The following HTR2C variants were observed in gnomAD, a reference collection of about 807,000 sequenced individuals.
HTR2C encodes 5-hydroxytryptamine (serotonin) receptor 2C, G protein-coupled.
A neutral mutation model predicts 21.0 loss-of-function variants in HTR2C; 5 were observed. That is an observed-to-expected ratio of 0.24 (90% CI 0.12 to 0.50). HTR2C has a LOEUF of 0.50. HTR2C is among the 20% of genes least tolerant of loss of function. The probability of loss-of-function intolerance (pLI) is 0.98; values close to 1 mark genes in which losing one functional copy is unlikely to be tolerated. For missense variants in HTR2C, 271 were observed against 371.2 expected, an observed-to-expected ratio of 0.73 and a Z score of 2.22; for synonymous variants, 150 against 145.3, an observed-to-expected ratio of 1.03 and a Z score of -0.23.
chrX:114,737,624 G>A (rs782538887), intron 4 of HTR2C, among the ~76,000 whole-genome samples: 18 of 111,437 alleles, frequency 1.6e-4, no homozygotes, highest in African/African-American at 5.5e-4. Flanking sequence ...ATATGAGAGG[G>A]CATATAATCA....
At chrX:114,617,332 C>A (rs1928989135) in intron 2 of HTR2C, among the ~76,000 whole-genome samples, 1 of 111,349 alleles carries the variant, frequency 9.0e-6, no homozygotes, top group Non-Finnish European at 1.9e-5. Context: ...TCTAGCTATT[C>A]AGGAGGCTGA....
At chrX:114,697,351 A>G (rs781904589) in intron 2 of HTR2C, among the ~76,000 whole-genome samples, 47 of 112,277 alleles carry the variant, frequency 4.2e-4, no homozygotes, top group Non-Finnish European at 6.8e-4. Context: ...TATTAATCCA[A>G]ACAAAGTATC....
At chrX:114,835,820 TC>T (rs1456816887) in intron 4 of HTR2C, among the ~76,000 whole-genome samples, 2 of 110,674 alleles carry the variant, frequency 1.8e-5, no homozygotes, top group African/African-American at 6.6e-5. Flanking sequence ...TTCTGTTTTT[TC>T]CCCATCTTTG....
At chrX:114,808,242 G>A (rs2070498092) in intron 4 of HTR2C, among the ~76,000 whole-genome samples, 1 of 110,892 alleles carries the variant, frequency 9.0e-6, no homozygotes, top group South Asian at 3.8e-4. Context: ...TCTGTGCAAG[G>A]CTTATTTTGC....
intron 2 of HTR2C, among the ~76,000 whole-genome samples, chrX:114,725,931 G>T (rs1556421813): frequency 1.8e-5 from 2 of 108,156 alleles, no homozygotes; most frequent in Non-Finnish European, 1.9e-5. Flanking sequence ...TGTCAGACAG[G>T]GACATTTAAG....
intron 2 of HTR2C, among the ~76,000 whole-genome samples, chrX:114,653,659 C>T (rs1284633658): frequency 9.1e-6 from 1 of 110,461 alleles, no homozygotes; most frequent in Non-Finnish European, 1.9e-5. Context: ...CCTGTTTCTC[C>T]TTGTTCATCT....
intron 2 of HTR2C, among the ~76,000 whole-genome samples, chrX:114,628,686 G>A (rs1556403498): frequency 9.0e-6 from 1 of 111,258 alleles, no homozygotes; most frequent in Non-Finnish European, 1.9e-5. Flanking sequence ...TAATTTTATT[G>A]GAACATGGTT....
intron 2 of HTR2C, among the ~76,000 whole-genome samples, chrX:114,716,797 A>G (rs1388403273): frequency 1.8e-5 from 2 of 111,553 alleles, no homozygotes; most frequent in Non-Finnish European, 3.8e-5. Flanking sequence ...TAATTTTTGA[A>G]TTAAATGAGC....
chrX:114,620,247 C>T (rs992089311), intron 2 of HTR2C, among the ~76,000 whole-genome samples: 5 of 111,890 alleles, frequency 4.5e-5, no homozygotes, highest in African/African-American at 1.3e-4. Flanking sequence ...TTATATATGC[C>T]TAACACCATA....
At chrX:114,866,272 A>C (rs782382647) in intron 5 of HTR2C, among the ~76,000 whole-genome samples, 4 of 110,894 alleles carry the variant, frequency 3.6e-5, no homozygotes, top group Non-Finnish European at 7.5e-5. Context: ...TTTAAGAAAT[A>C]TTTGCCAAAC....
At chrX:114,618,325 A>G (rs1929027828) in intron 2 of HTR2C, among the ~76,000 whole-genome samples, 1 of 112,282 alleles carries the variant, frequency 8.9e-6, no homozygotes, top group Non-Finnish European at 1.9e-5. Flanking sequence ...CCAAATGGTT[A>G]TCAAGGTGGT....
chrX:114,705,154 T>C (rs1312360360), intron 2 of HTR2C, among the ~76,000 whole-genome samples: 4 of 105,823 alleles, frequency 3.8e-5, no homozygotes, highest in Admixed American at 1.1e-4. Context: ...ACAGATTCAA[T>C]GCCATCCCCA....
chrX:114,700,721 G>A (rs1330166483), intron 2 of HTR2C, among the ~76,000 whole-genome samples: 1 of 112,393 alleles, frequency 8.9e-6, no homozygotes, highest in Non-Finnish European at 1.9e-5. Context: ...GACAGTGGGT[G>A]CAGCGCACTG....
At chrX:114,850,889 AAAAC>A (rs1410335059) in intron 5 of HTR2C, among the ~76,000 whole-genome samples, 1 of 111,301 alleles carries the variant, frequency 9.0e-6, no homozygotes, top group Admixed American at 9.6e-5. Context: ...TAAAAGGATA[AAAAC>A]AAACAAAAAA....
At chrX:114,635,886 G>A (rs1929822330) in intron 2 of HTR2C, among the ~76,000 whole-genome samples, 1 of 111,116 alleles carries the variant, frequency 9.0e-6, no homozygotes, top group African/African-American at 3.3e-5. Flanking sequence ...AGTACCCTTT[G>A]TTTCCTAATT....
At chrX:114,706,915 T>C (rs111622502) in intron 2 of HTR2C, among the ~76,000 whole-genome samples, 2,151 of 110,969 alleles carry the variant, frequency 0.019, 57 homozygotes, top group African/African-American at 0.066. Flanking sequence ...GACATAATTT[T>C]ATAAAGTGAA....
At chrX:114,625,586 C>G (rs1294998605) in intron 2 of HTR2C, among the ~76,000 whole-genome samples, 1 of 111,897 alleles carries the variant, frequency 8.9e-6, no homozygotes, top group Non-Finnish European at 1.9e-5. Flanking sequence ...ATGCTGGCAC[C>G]ATGCTTCTTA....
At chrX:114,797,601 G>A (rs1040965176) in intron 4 of HTR2C, among the ~76,000 whole-genome samples, 2 of 111,734 alleles carry the variant, frequency 1.8e-5, no homozygotes, top group Non-Finnish European at 3.8e-5. Flanking sequence ...ATTCCTTGTT[G>A]TGCAATCAGG....
At chrX:114,886,158 A>G (rs895830834) in intron 5 of HTR2C, among the ~76,000 whole-genome samples, 5 of 111,217 alleles carry the variant, frequency 4.5e-5, no homozygotes, top group African/African-American at 1.6e-4. Context: ...ATTAATTAGT[A>G]TATCCTCTTT....
Sources: gnomAD v4.1 joint callset for allele counts (sites outside exome capture counted in the v4.1 genomes callset) on GRCh38, gnomAD v4.1.1 for gene constraint, MANE v1.5 for transcripts, NCBI Gene and HGNC (gene_info 2026-07-23, HGNC 2026-07-21) for gene names.